The following TTC23L variants were observed in gnomAD, a reference collection of about 807,000 sequenced individuals.
TTC23L encodes tetratricopeptide repeat protein 23-like.
Under a neutral mutation model 48.1 loss-of-function variants are expected in TTC23L, and 42 were observed. The observed-to-expected ratio is 0.87, with a 90% CI of 0.68 to 1.13. The LOEUF is 1.13. TTC23L is among the 50% of genes most tolerant of loss of function. The probability of loss-of-function intolerance (pLI) is 0.00; values close to 1 mark genes in which losing one functional copy is unlikely to be tolerated. For synonymous variants in TTC23L, 159 were observed against 157.2 expected (o/e 1.01, Z -0.09); for missense variants, 391 against 421.0 (o/e 0.93, Z 0.62).
At chr5:34,845,843 C>T (rs1386777576) in intron 3 of TTC23L, 170 bp downstream of exon 3, 1 of 651,364 alleles carries the variant, frequency 1.5e-6, no homozygotes, top group African/African-American at 1.8e-5. Flanking sequence ...AGCCCACCTT[C>T]TGGTTCCATG....
At chr5:34,882,649 A>ACG (rs2111689860) in intron 9 of TTC23L, among the ~76,000 whole-genome samples, 1 of 151,886 alleles carries the variant, frequency 6.6e-6, no homozygotes, top group African/African-American at 2.4e-5. Context: ...ACACACACAC[A>ACG]CACACACACA....
chr5:34,871,572 CAAAGA>C (rs1354617574), intron 8 of TTC23L, among the ~76,000 whole-genome samples: 1 of 151,932 alleles, frequency 6.6e-6, no homozygotes, highest in Non-Finnish European at 1.5e-5. Flanking sequence ...TGTGAAAAAG[CAAAGA>C]AATTAGGATA....
chr5:34,862,159 A>G (rs1205039071), intron 4 of TTC23L, among the ~76,000 whole-genome samples: 1 of 152,202 alleles, frequency 6.6e-6, no homozygotes, highest in Non-Finnish European at 1.5e-5. Flanking sequence ...AAAGAAAAGA[A>G]AAAACAAGGG....
chr5:34,873,828 G>A (rs981785830), intron 8 of TTC23L, among the ~76,000 whole-genome samples: 4 of 152,130 alleles, frequency 2.6e-5, no homozygotes, highest in Non-Finnish European at 5.9e-5. Context: ...ATGCATTTTT[G>A]TCTACATACA....
chr5:34,906,011 A>T, the TTC23L span: 3 of 151,816 alleles, frequency 2.0e-5, no homozygotes, highest in African/African-American at 7.3e-5. Context: ...CTGGAGTGCA[A>T]TGGTGCAATC....
chr5:34,848,716 G>A (rs1759427347), intron 3 of TTC23L, among the ~76,000 whole-genome samples: 1 of 152,094 alleles, frequency 6.6e-6, no homozygotes, highest in African/African-American at 2.4e-5. Flanking sequence ...TACATTGGAA[G>A]TTAGCTGGTG....
the TTC23L span, chr5:34,915,052 T>C: frequency 2.6e-5 from 18 of 682,630 alleles, no homozygotes; most frequent in South Asian, 1.9e-5. Flanking sequence ...GCTGGGAGGC[T>C]GAACACGGCT....
At chr5:34,909,091 T>G in the TTC23L span, 2 of 973,854 alleles carry the variant, frequency 2.1e-6, no homozygotes, top group African/African-American at 3.3e-5. Flanking sequence ...TTAAAATTCA[T>G]TCACTGTTAG....
intron 8 of TTC23L, among the ~76,000 whole-genome samples, chr5:34,874,193 G>A (rs1379440088): frequency 1.3e-5 from 2 of 152,124 alleles, no homozygotes; most frequent in African/African-American, 4.8e-5. Context: ...TATCTCCACA[G>A]GAACCAGTAC....
At chr5:34,868,987 C>G (rs1761256295) in exon 8 of TTC23L, 2 of 1,608,858 alleles carry the variant, frequency 1.2e-6, no homozygotes, top group Non-Finnish European at 1.7e-6. Context: ...AAAGCTTATG[C>G]CATGTCTGGA....
chr5:34,911,445 T>C, the TTC23L span: 1 of 1,362,646 alleles, frequency 7.3e-7, no homozygotes, highest in South Asian at 1.4e-5. Flanking sequence ...TCTAAAGTTG[T>C]GAAAACTCTA....
In TTC23L at chr5:34,840,842, T is replaced by A. The variant is rs1758599798; in HGVS notation, c.68+103T>A. The A allele has an allele frequency of 6.5e-6, 7 of 1,082,538 alleles. No homozygotes were observed. The Admixed American group carries it at 1.2e-4, about 18-fold the overall frequency. The allele number at this position is 1,082,538 out of a possible 1,614,324, so 67.1% of individuals were successfully genotyped here. A position where few individuals can be genotyped will look rare whatever the true frequency, so the allele number is the denominator to read the frequency against. ...GGTGAGGAGCTTTGCATGAGAAGCG[T>A]TCACGACCAGCCTGACCAACATGGT... On this transcript the variant is annotated intron_variant, in intron 2 of 10. Coordinates refer to ENST00000505624, the Ensembl canonical transcript of TTC23L.
the TTC23L span, chr5:34,911,738 C>T: frequency 1.4e-5 from 23 of 1,614,056 alleles, no homozygotes; most frequent in South Asian, 2.4e-4. Flanking sequence ...ACTGTCACCA[C>T]TCCTCCTTCT....
the TTC23L span, chr5:34,922,665 C>A: frequency 6.2e-7 from 1 of 1,605,034 alleles, no homozygotes; most frequent in Non-Finnish European, 8.5e-7. Context: ...AAAGTTACAA[C>A]TATTTTTGTT....
chr5:34,882,531 C>G (rs749824193), intron 9 of TTC23L, among the ~76,000 whole-genome samples: 3 of 151,784 alleles, frequency 2.0e-5, no homozygotes, highest in Non-Finnish European at 4.4e-5. Context: ...GCTCGTTCTC[C>G]TGCCTCCAAG....
At position 34,895,190 on chromosome 5, in the gene TTC23L, T is replaced by C. The variant is rs904854841; in HGVS notation, c.1078-1580T>C. Among the ~76,000 whole-genome samples the C allele has an allele frequency of 5.9e-5, 9 of 152,360 alleles. No homozygotes were observed. In the South Asian group the frequency reaches 6.2e-4, roughly 11 times the overall value. ...TAGAAGAATGTAGTAGTTAAGGTCA[T>C]AGACTACATTTAAAGTTAGACATAT... On this transcript the variant is annotated intron_variant, in intron 9 of 10. Coordinates refer to ENST00000505624, the Ensembl canonical transcript of TTC23L.
At chr5:34,851,830 A>G (rs897173407) in intron 4 of TTC23L, among the ~76,000 whole-genome samples, 2 of 152,198 alleles carry the variant, frequency 1.3e-5, no homozygotes, top group Non-Finnish European at 2.9e-5. Flanking sequence ...ACTTGCAGTC[A>G]GTGCTGGGGA....
chr5:34,922,496 A>C, the TTC23L span: 1 of 1,273,408 alleles, frequency 7.9e-7, no homozygotes, highest in Non-Finnish European at 1.1e-6. Flanking sequence ...AGCATTGACT[A>C]CATTTGCTAA....
exon 2 of TTC23L, chr5:34,840,716 C>A (rs570160354): frequency 1.9e-6 from 3 of 1,613,906 alleles, no homozygotes; most frequent in South Asian, 1.1e-5. Flanking sequence ...GCAATGACAT[C>A]GACTGGGATT....
Sources: allele counts gnomAD v4.1 joint callset (sites outside exome capture counted in the v4.1 genomes callset), GRCh38; gene constraint gnomAD v4.1.1; transcripts MANE v1.5; gene names NCBI Gene and HGNC (gene_info 2026-07-23, HGNC 2026-07-21).